Variants in ADAM33 observed in about 807,000 individuals in gnomAD.
The protein encoded by ADAM33 is ADAM metallopeptidase domain 33.
ADAM33 carries 103 observed loss-of-function variants against 106.2 expected under a neutral mutation model. The observed-to-expected ratio is 0.97, with a 90% CI of 0.83 to 1.14. ADAM33 has a LOEUF of 1.14. Among genes scored for constraint, ADAM33 ranks in the 50% most tolerant of loss-of-function variants. The pLI is 0.00. For missense variants in ADAM33, 1,120 were observed against 1,096.6 expected, an observed-to-expected ratio of 1.02 and a Z score of -0.30; for synonymous variants, 483 against 453.0, an observed-to-expected ratio of 1.07 and a Z score of -0.84.
intron 2 of ADAM33, among the ~76,000 whole-genome samples, chr20:3,678,284 C>T (rs487377): frequency 0.28 from 43,088 of 152,182 alleles, 7,079 homozygotes; most frequent in African/African-American, 0.45. Context: ...TTGGAGGGGA[C>T]ACCTAGCCTC....
intron 3 of ADAM33, among the ~76,000 whole-genome samples, chr20:3,676,739 G>C (rs1243435875): frequency 6.6e-6 from 1 of 152,134 alleles, no homozygotes; most frequent in African/African-American, 2.4e-5. Flanking sequence ...CCTTAGCCTG[G>C]GGTGCCGGCT....
chr20:3,677,415 C>T (rs528379207), intron 2 of ADAM33, among the ~76,000 whole-genome samples: 1 of 152,306 alleles, frequency 6.6e-6, no homozygotes, highest in African/African-American at 2.4e-5. Flanking sequence ...TCCCTAGAGA[C>T]CAGAGGTCCC....
intron 1 of ADAM33, among the ~76,000 whole-genome samples, chr20:3,680,678 A>G (rs891777854): frequency 6.6e-6 from 1 of 152,100 alleles, no homozygotes; most frequent in Non-Finnish European, 1.5e-5. Flanking sequence ...CAGCCCAGAG[A>G]GCACTTAACT....
Position 3,671,516 on chromosome 20 carries a change from C to A in ADAM33, c.1906-20G>T. Reference sequence around the variant, plus strand: ...GCACACCTACGGGCAGTGCACCAGGCAGTGAGGGGGACACTGGCCTGCGGG... The same window carrying A: ...GCACACCTACGGGCAGTGCACCAGGAAGTGAGGGGGACACTGGCCTGCGGG... On this transcript the variant is annotated intron_variant, in intron 16 of 21. Transcript: ENST00000356518. 1 of 1,609,740 alleles carries A rather than the reference C, an allele frequency of 6.2e-7. No individual in the cohort carries two copies. Among genetic ancestry groups the A allele is most frequent in the Non-Finnish European group, 8.5e-7 (1 of 1,177,248 alleles).
chr20:3,674,636 C>T lies in ADAM33; in HGVS notation c.468G>A (p.Arg156=). 1 of 1,612,782 alleles carries T rather than the reference C, an allele frequency of 6.2e-7. No homozygotes were observed. The highest frequency in any genetic ancestry group is 1.1e-5 in the South Asian group (1 of 90,880). The change falls in exon 6 of 22, where the codon CGG becomes CGA. Residue 156 remains arginine (R), a synonymous_variant. Coordinates refer to ENST00000356518, the MANE Select transcript of ADAM33 (RefSeq NM_025220.5). ...ASYYLRPWPP[R]GSKDFSTHEI... The stretch of plus-strand genomic sequence containing the variant: ...CGTGGGTTGAGAAGTCCTTGGAGCC[C>T]CGGGGTGGCCAGGGACGCAGATAAT...
rs995955566 is a variant in ADAM33, at chr20:3,671,676, C to A, written c.1810G>T (p.Val604Leu). The A allele has an allele frequency of 1.1e-5, 17 of 1,585,496 alleles. No homozygotes were observed. Among genetic ancestry groups the A allele is most frequent in the Non-Finnish European group, 1.5e-5 (17 of 1,165,400 alleles). Reference protein sequence around the residue: ...DSTVHLDGQEVTCRGALALPS... With the variant: ...DSTVHLDGQELTCRGALALPS... ...AGTGCCAAGGCTCCCCGACAAGTCA[C>A]TTCCTGGCCATCTAGGTGAACGGTA... Residue 604 changes from valine (V) to leucine (L), a missense_variant, in exon 16 of 22, where the codon GTG becomes TTG. Coordinates refer to ENST00000356518, the MANE Select transcript of ADAM33 (RefSeq NM_025220.5).
rs756389444 is a variant in ADAM33 at position 3,672,892 on chromosome 20, C to A, written c.1140G>T (p.Pro380=). The A allele has an allele frequency of 7.0e-6, 11 of 1,568,460 alleles. No homozygotes were observed. The highest frequency in any genetic ancestry group is 9.4e-6 in the Non-Finnish European group (11 of 1,167,170). Residue 380 remains proline (P), a synonymous_variant, in exon 12 of 22, where the codon CCG becomes CCT. Coordinates refer to ENST00000356518, the MANE Select transcript of ADAM33 (RefSeq NM_025220.5). ...TGCAGGCGCTGAACACGCGCGGAAA[C>A]GGGTGCCTACCGGCACGGGGAGGGC... ...GCVMAAATGH[P]FPRVFSACSR... is the part of the protein sequence containing the mutation.
chr20:3,673,663 G>A lies in ADAM33; in HGVS notation c.906-5C>T, dbSNP rs952097079. 7.4e-7 allele frequency: 1 copy of A among 1,346,968 alleles called. No individual in the cohort carries two copies. The highest frequency in any genetic ancestry group is 1.9e-5 in the South Asian group (1 of 52,546). The allele number at this position is 1,346,968 out of a possible 1,614,324, so 83.4% of individuals were successfully genotyped here. A position where few individuals can be genotyped will look rare whatever the true frequency, so the allele number is the denominator to read the frequency against. On this transcript the variant is annotated splice_region_variant and splice_polypyrimidine_tract_variant and intron_variant, in intron 9 of 21. Coordinates refer to ENST00000356518, the MANE Select transcript of ADAM33 (RefSeq NM_025220.5). Reference sequence around the variant, plus strand: ...GCGCCCTGGAAGGCGCGGCCCCTGGGGGCGGAGCGCGGCGTGACCAGGCGG... The same window carrying A: ...GCGCCCTGGAAGGCGCGGCCCCTGGAGGCGGAGCGCGGCGTGACCAGGCGG...
rs188054533 is a variant in ADAM33, at chr20:3,674,380, T to C, written c.601-96A>G. ...CCAGAAGGAAGTTTAACATGTTTTC[T>C]GGAACTTGTTTCTTCAGACTTCAAT... On this transcript the variant is annotated intron_variant, in intron 6 of 21. Coordinates refer to ENST00000356518, the MANE Select transcript of ADAM33 (RefSeq NM_025220.5). The C allele has an allele frequency of 7.5e-6, 12 of 1,603,440 alleles. No individual in the cohort carries two copies. In the East Asian group the frequency reaches 2.2e-4, roughly 30 times the overall value.
At chr20:3,670,142 G>C in intron 19 of ADAM33, 1 of 206,422 alleles carries the variant, frequency 4.8e-6, no homozygotes. Flanking sequence ...GCCACCCTCT[G>C]CAGCGCCCCC....
intron 2 of ADAM33, among the ~76,000 whole-genome samples, 194 bp from the exon 3 acceptor site, chr20:3,677,337 A>G (rs1483892503): frequency 2.6e-5 from 4 of 152,138 alleles, no homozygotes; most frequent in Non-Finnish European, 4.4e-5. Context: ...CAAACTCAGG[A>G]TGTTTGCAGT....
chr20:3,669,472 T>C, intron 20 of ADAM33, 74 bp downstream of exon 20: 9 of 1,544,118 alleles, frequency 5.8e-6, no homozygotes, highest in Non-Finnish European at 7.9e-6. Context: ...GTGCTGCCCA[T>C]CTGGAAGGAG....
chr20:3,681,699 C>A (rs958450504), intron 1 of ADAM33, among the ~76,000 whole-genome samples: 3 of 152,150 alleles, frequency 2.0e-5, no homozygotes, highest in Non-Finnish European at 2.9e-5. Context: ...CAAGTCCGGG[C>A]CCGGGGCCAG....
rs202196209 is a variant in ADAM33, at chr20:3,671,667, G to C, written c.1819C>G (p.Arg607Gly). Residue 607 changes from arginine to glycine, a missense_variant, in exon 16 of 22, where the codon CGG (arginine) becomes GGG (glycine). By Grantham distance (125) the Arg-to-Gly change is moderately radical. Coordinates refer to ENST00000356518, the MANE Select transcript of ADAM33 (RefSeq NM_025220.5). ...VHLDGQEVTC[R>G]GALALPSAQL... ...GCACTGGGGAGTGCCAAGGCTCCCC[G>C]ACAAGTCACTTCCTGGCCATCTAGG... 1.3e-6 allele frequency: 2 copies of C among 1,582,182 alleles called. No homozygotes were observed. The highest frequency in any genetic ancestry group is 1.7e-6 in the Non-Finnish European group (2 of 1,163,782).
At chr20:3,676,601 C>A (rs1387205864) in intron 3 of ADAM33, among the ~76,000 whole-genome samples, 1 of 151,898 alleles carries the variant, frequency 6.6e-6, no homozygotes, top group African/African-American at 2.4e-5. Flanking sequence ...CCACGCCTGG[C>A]TAATTTTTTG....
chr20:3,673,722 G>A (rs2087731219), intron 9 of ADAM33, 23 bp downstream of exon 9: 5 of 1,399,328 alleles, frequency 3.6e-6, no homozygotes, highest in Admixed American at 3.3e-5. Context: ...CCCGGGACCC[G>A]CGTCCGGGTC....
Position 3,668,493 on chromosome 20 carries a change from T to C in ADAM33, c.*470A>G, listed in dbSNP as rs3746631. Reference sequence around the variant, plus strand: ...AGGAAGGTCCCCAAAATTATGTTTGTTTGCAGAGGCCAGCCAGGCTCCAGG... The same window carrying C: ...AGGAAGGTCCCCAAAATTATGTTTGCTTGCAGAGGCCAGCCAGGCTCCAGG... On this transcript the variant is annotated 3_prime_UTR_variant, in exon 22 of 22. Coordinates refer to ENST00000356518, the MANE Select transcript of ADAM33 (RefSeq NM_025220.5). 0.058 allele frequency: 10,317 copies of C among 178,758 alleles called. 417 individuals carry two copies. Among genetic ancestry groups the C allele is most frequent in the East Asian group, 0.11 (748 of 6,980 alleles). The allele number at this position is 178,758 out of a possible 1,614,324, so 11.1% of individuals were successfully genotyped here. A position where few individuals can be genotyped will look rare whatever the true frequency, so the allele number is the denominator to read the frequency against.
At chr20:3,677,361 AC>A (rs991080361) in intron 2 of ADAM33, among the ~76,000 whole-genome samples, 1 of 152,204 alleles carries the variant, frequency 6.6e-6, no homozygotes, top group African/African-American at 2.4e-5. Context: ...GACAACAGCC[AC>A]TTGGAAGGGC....
At chr20:3,670,685 T>G in intron 19 of ADAM33, 1 of 339,512 alleles carries the variant, frequency 2.9e-6, no homozygotes, top group Non-Finnish European at 5.5e-6. Flanking sequence ...GACTGCAATC[T>G]GAGCCAGGGA....
Sources: allele counts gnomAD v4.1 joint callset (sites outside exome capture counted in the v4.1 genomes callset), GRCh38; gene constraint gnomAD v4.1.1; transcripts MANE v1.5; gene names NCBI Gene and HGNC (gene_info 2026-07-23, HGNC 2026-07-21).